GPC6: variants seen among roughly 807,000 people sequenced by gnomAD.
GPC6 encodes glypican-6.
In GPC6, 14 loss-of-function variants were observed where a neutral mutation model predicts 55.2. The ratio of observed to expected loss-of-function variants is 0.25; its 90% CI spans 0.17 to 0.40. GPC6 has a LOEUF of 0.40. Among genes scored for constraint, GPC6 ranks in the 10% least tolerant of loss-of-function variants. The pLI is 1.00. For missense variants in GPC6, 641 were observed against 708.5 expected (o/e 0.90, Z 1.08); for synonymous variants, 278 against 259.6 (o/e 1.07, Z -0.68).
At chr13:93,221,046 C>G in the GPC6 span, among the ~76,000 whole-genome samples, 1 of 152,050 alleles carries the variant, frequency 6.6e-6, no homozygotes, top group East Asian at 1.9e-4. Flanking sequence ...CCACACCCAG[C>G]TAATTTTTGT....
chr13:93,879,658 G>T (rs1024392650), intron 3 of GPC6, among the ~76,000 whole-genome samples: 1 of 150,934 alleles, frequency 6.6e-6, no homozygotes, highest in African/African-American at 2.4e-5. Flanking sequence ...GCATGGGCAA[G>T]GACTTCATGT....
chr13:93,283,493 G>C (rs9584100), intron 1 of GPC6, among the ~76,000 whole-genome samples: 16,220 of 152,120 alleles, frequency 0.11, 1,106 homozygotes, highest in East Asian at 0.35. Flanking sequence ...AGTGAGAAAT[G>C]ACCAACAGAT....
At chr13:93,627,219 G>A (rs1265754865) in intron 2 of GPC6, among the ~76,000 whole-genome samples, 1 of 150,566 alleles carries the variant, frequency 6.6e-6, no homozygotes, top group Non-Finnish European at 1.5e-5. Context: ...TGTTCTCATT[G>A]TTCAGCTCCC....
intron 3 of GPC6, among the ~76,000 whole-genome samples, chr13:94,000,122 A>G (rs1348856677): frequency 6.6e-6 from 1 of 152,096 alleles, no homozygotes; most frequent in Non-Finnish European, 1.5e-5. Context: ...CTTCTGGAAT[A>G]CCCTGTCAGA....
At chr13:93,811,842 G>A (rs1263206483) in intron 2 of GPC6, among the ~76,000 whole-genome samples, 1 of 152,094 alleles carries the variant, frequency 6.6e-6, no homozygotes, top group Non-Finnish European at 1.5e-5. Context: ...TGCAAAATGT[G>A]AAAATAAAGC....
At chr13:94,168,755 G>A (rs1292834359) in intron 4 of GPC6, among the ~76,000 whole-genome samples, 1 of 148,390 alleles carries the variant, frequency 6.7e-6, no homozygotes, top group Non-Finnish European at 1.5e-5. Flanking sequence ...CAACTGAATT[G>A]GAGTAAAGGC....
At chr13:94,193,284 T>C (rs1464647914) in intron 4 of GPC6, among the ~76,000 whole-genome samples, 1 of 152,120 alleles carries the variant, frequency 6.6e-6, no homozygotes, top group Non-Finnish European at 1.5e-5. Context: ...TATGTCACCA[T>C]AGGAGCGGTC....
At chr13:93,653,922 A>G (rs1594344846) in intron 2 of GPC6, among the ~76,000 whole-genome samples, 1 of 152,280 alleles carries the variant, frequency 6.6e-6, no homozygotes, top group South Asian at 2.1e-4. Context: ...GCAACATCAC[A>G]CTTTTATCCG....
chr13:93,410,289 A>G (rs1160161484), intron 1 of GPC6, among the ~76,000 whole-genome samples: 5 of 152,098 alleles, frequency 3.3e-5, no homozygotes, highest in Non-Finnish European at 7.4e-5. Context: ...ACTTCTTTCA[A>G]CTGTTAAATA....
chr13:94,370,241 C>T (rs546256954), intron 6 of GPC6, among the ~76,000 whole-genome samples: 1 of 152,222 alleles, frequency 6.6e-6, no homozygotes, highest in Non-Finnish European at 1.5e-5. Flanking sequence ...TTTCCCATGA[C>T]AAGAGTTCAG....
intron 2 of GPC6, among the ~76,000 whole-genome samples, chr13:93,567,366 A>G (rs9584133): frequency 0.57 from 86,487 of 152,136 alleles, 26,608 homozygotes; most frequent in Non-Finnish European, 0.69. Context: ...GTTAAAGATT[A>G]TTTGAAGTAG....
intron 1 of GPC6, among the ~76,000 whole-genome samples, chr13:93,451,413 T>C (rs1878218069): frequency 6.6e-6 from 1 of 152,252 alleles, no homozygotes; most frequent in Non-Finnish European, 1.5e-5. Context: ...TCTGGTTTTG[T>C]GTGGCCCACA....
intron 4 of GPC6, among the ~76,000 whole-genome samples, chr13:94,207,488 A>G (rs1889939071): frequency 5.3e-5 from 8 of 152,132 alleles, no homozygotes; most frequent in Admixed American, 2.6e-4. Flanking sequence ...TCCAACTTAT[A>G]TCTGTTAAAC....
intron 1 of GPC6, among the ~76,000 whole-genome samples, chr13:93,448,505 G>GTGTAA (rs1419660198): frequency 6.6e-6 from 1 of 152,172 alleles, no homozygotes; most frequent in African/African-American, 2.4e-5. Flanking sequence ...GAAAGGCATA[G>GTGTAA]TGTAAGTTGA....
intron 4 of GPC6, among the ~76,000 whole-genome samples, chr13:94,077,373 G>A (rs1215668584): frequency 6.6e-6 from 1 of 151,684 alleles, no homozygotes; most frequent in Non-Finnish European, 1.5e-5. Context: ...CAGTTTTTTA[G>A]TGGAGACTTT....
At chr13:93,654,583 C>G (rs986778752) in intron 2 of GPC6, among the ~76,000 whole-genome samples, 107 of 152,208 alleles carry the variant, frequency 7.0e-4, no homozygotes, top group African/African-American at 2.5e-3. Context: ...CCGCCTCAGC[C>G]TCTCAAAGTG....
At chr13:93,336,535 G>A (rs890797469) in intron 1 of GPC6, among the ~76,000 whole-genome samples, 1 of 152,152 alleles carries the variant, frequency 6.6e-6, no homozygotes, top group South Asian at 2.1e-4. Context: ...CTCCTTCAAG[G>A]TTGGCTTTTG....
chr13:93,525,590 C>T (rs1007014597), intron 1 of GPC6, among the ~76,000 whole-genome samples: 3 of 151,982 alleles, frequency 2.0e-5, no homozygotes, highest in Admixed American at 6.6e-5. Context: ...TCTGAGCACT[C>T]GAAGTGGAAA....
chr13:93,740,419 G>A (rs1016221387), intron 2 of GPC6, among the ~76,000 whole-genome samples: 19 of 152,086 alleles, frequency 1.2e-4, no homozygotes, highest in African/African-American at 4.3e-4. Context: ...AGCATTGTGC[G>A]GCAATTAAGG....
Sources: allele counts gnomAD v4.1 joint callset (sites outside exome capture counted in the v4.1 genomes callset), GRCh38; gene constraint gnomAD v4.1.1; transcripts MANE v1.5; gene names NCBI Gene and HGNC (gene_info 2026-07-23, HGNC 2026-07-21).